SRGAP2B: variants seen among roughly 807,000 people sequenced by gnomAD.
SRGAP2B encodes the protein SLIT-ROBO Rho GTPase-activating protein 2B.
A neutral mutation model predicts 22.2 loss-of-function variants in SRGAP2B; 9 were observed. That is an observed-to-expected ratio of 0.41 (90% confidence interval 0.24 to 0.71). SRGAP2B has a LOEUF of 0.71. Among genes scored for constraint, SRGAP2B ranks in the 30% least tolerant of loss-of-function variants. The pLI is 0.35. For synonymous variants in SRGAP2B, 36 were observed against 87.4 expected (o/e 0.41, Z 3.28); for missense variants, 114 against 235.8 (o/e 0.48, Z 3.38).
chr1:144,963,727 G>A (rs1667849747), intron 3 of SRGAP2B, among the ~76,000 whole-genome samples: 1 of 152,028 alleles, frequency 6.6e-6, no homozygotes, highest in African/African-American at 2.4e-5. Flanking sequence ...ATACCTGTCT[G>A]TGCCAAAGTG....
rs1273854135 is a variant in SRGAP2B at position 145,045,310 on chromosome 1, A to G, written c.67+47525T>C. On this transcript the variant is annotated intron_variant, in intron 2 of 9. Transcript: ENST00000612199. ...AGACTCCGCCTCAAAAAAAAAAAAA[A>G]AAAGAAAGAAAGAAAAGAGAAAGAA... Among the ~76,000 whole-genome samples the G allele has an allele frequency of 2.2e-4, 32 of 143,662 alleles. 1 individual carries two copies. The South Asian group carries it at 3.8e-3, about 17-fold the overall frequency. The allele number at this position is 143,662 out of a possible 152,430, so 94.2% of individuals were successfully genotyped here. A position where few individuals can be genotyped will look rare whatever the true frequency, so the allele number is the denominator to read the frequency against.
chr1:145,044,500 C>T (rs1649520022), intron 2 of SRGAP2B, among the ~76,000 whole-genome samples: 1 of 141,506 alleles, frequency 7.1e-6, no homozygotes, highest in Admixed American at 7.0e-5. Flanking sequence ...GGTATTTATC[C>T]AGTTTTTCCT....
intron 4 of SRGAP2B, among the ~76,000 whole-genome samples, chr1:144,927,069 C>G (rs1418431072): frequency 6.6e-6 from 1 of 150,860 alleles, no homozygotes; most frequent in African/African-American, 2.5e-5. Flanking sequence ...CCTGCCTCAG[C>G]CTCCCAAGTA....
chr1:144,941,734 T>C (rs1421894190), intron 4 of SRGAP2B, among the ~76,000 whole-genome samples: 1 of 149,186 alleles, frequency 6.7e-6, no homozygotes, highest in East Asian at 2.0e-4. Context: ...AAAGGAAAAG[T>C]CTTGACAAAG....
At chr1:144,955,118 T>C (rs1185288095) in intron 4 of SRGAP2B, among the ~76,000 whole-genome samples, 1 of 150,654 alleles carries the variant, frequency 6.6e-6, no homozygotes, top group Non-Finnish European at 1.5e-5. Context: ...CCAAGGCTAC[T>C]ATTAATTCAG....
At chr1:145,030,717 AAAAAAT>A (rs1168358945) in intron 2 of SRGAP2B, among the ~76,000 whole-genome samples, 116 of 55,956 alleles carry the variant, frequency 2.1e-3, no homozygotes, top group Non-Finnish European at 2.5e-3. Context: ...AAAAAAAAAA[AAAAAAT>A]ATATATATAT....
rs1212661396 is a variant in SRGAP2B at position 144,971,024 on chromosome 1, GTGACTAGAA to G, written c.261-15432_261-15424del. 1.7e-3 allele frequency among the ~76,000 whole-genome samples: 259 copies of G among 150,502 alleles called. 20 individuals are homozygous for G. The highest frequency in any genetic ancestry group is 6.3e-3 in the African/African-American group (252 of 40,208). On this transcript the variant is annotated intron_variant, in intron 3 of 9. Transcript: ENST00000612199. ...AATGAATTCATACCCACGAAACAAAGTGACTAGAATCATGTCTGAAAAGACAAATACATC... is the reference window on the plus strand; with the variant it reads ...AATGAATTCATACCCACGAAACAAAGTCATGTCTGAAAAGACAAATACATC...
intron 3 of SRGAP2B, among the ~76,000 whole-genome samples, chr1:144,994,567 T>TGAGAGA (rs56165682): frequency 6.5e-5 from 8 of 122,488 alleles, no homozygotes; most frequent in South Asian, 5.5e-4. Flanking sequence ...TGTGTGTGTG[T>TGAGAGA]GAGAGAGAGA....
At chr1:144,914,288 T>TTTCC in intron 5 of SRGAP2B, among the ~76,000 whole-genome samples, 1 of 151,670 alleles carries the variant, frequency 6.6e-6, no homozygotes, top group South Asian at 2.1e-4. Flanking sequence ...ATCCAAGATC[T>TTTCC]GATGAAAAAC....
At chr1:144,943,963 G>C (rs1359146177) in intron 4 of SRGAP2B, among the ~76,000 whole-genome samples, 2 of 150,392 alleles carry the variant, frequency 1.3e-5, no homozygotes, top group Non-Finnish European at 2.9e-5. Flanking sequence ...AGTTAGAGGG[G>C]CTTGATAAAC....
At chr1:145,090,283 C>T (rs1453813044) in intron 2 of SRGAP2B, among the ~76,000 whole-genome samples, 7 of 148,198 alleles carry the variant, frequency 4.7e-5, no homozygotes, top group African/African-American at 1.0e-4. Context: ...ATAAGCTCCA[C>T]GAGGGTAGAG....
intron 2 of SRGAP2B, among the ~76,000 whole-genome samples, chr1:145,031,840 C>A (rs1176992310): frequency 2.9e-5 from 4 of 135,812 alleles, no homozygotes; most frequent in Admixed American, 2.1e-4. Flanking sequence ...GAGCAAGACT[C>A]CGTCTCAAAA....
intron 3 of SRGAP2B, among the ~76,000 whole-genome samples, chr1:144,975,376 T>C (rs1668819684): frequency 1.3e-5 from 2 of 149,856 alleles, no homozygotes; most frequent in South Asian, 4.2e-4. Flanking sequence ...CAAGTGGTAT[T>C]GAGAGGCTGG....
intron 5 of SRGAP2B, among the ~76,000 whole-genome samples, chr1:144,909,360 G>A (rs1377845850): frequency 6.2e-5 from 9 of 144,294 alleles, no homozygotes; most frequent in Non-Finnish European, 1.2e-4. Flanking sequence ...CCAGGTGGGC[G>A]GATCACGAGG....
chr1:144,943,374 G>T (rs1308501192), intron 4 of SRGAP2B, among the ~76,000 whole-genome samples: 1 of 151,636 alleles, frequency 6.6e-6, no homozygotes, highest in Non-Finnish European at 1.5e-5. Flanking sequence ...AAATGTAAAG[G>T]AGAAGGTCTT....
At chr1:145,038,637 GGA>G (rs2102340407) in intron 2 of SRGAP2B, among the ~76,000 whole-genome samples, 1 of 148,408 alleles carries the variant, frequency 6.7e-6, no homozygotes, top group Non-Finnish European at 1.5e-5. Flanking sequence ...CTTTAGAAAA[GGA>G]GAAACTCATA....
chr1:145,070,197 C>G (rs1276529616), intron 2 of SRGAP2B, among the ~76,000 whole-genome samples: 1 of 145,086 alleles, frequency 6.9e-6, no homozygotes, highest in Non-Finnish European at 1.5e-5. Flanking sequence ...GAAGGACCTC[C>G]AATTTCTCAT....
chr1:144,981,154 G>A (rs1466283486), intron 3 of SRGAP2B, among the ~76,000 whole-genome samples: 1 of 148,860 alleles, frequency 6.7e-6, no homozygotes, highest in Non-Finnish European at 1.5e-5. Flanking sequence ...CACAGCTTTT[G>A]CCTTGAAAAG....
intron 3 of SRGAP2B, among the ~76,000 whole-genome samples, chr1:144,957,847 C>T (rs587684443): frequency 6.8e-6 from 1 of 146,960 alleles, no homozygotes; most frequent in Non-Finnish European, 1.5e-5. Flanking sequence ...TACCCATGTC[C>T]TCAGTAAGCA....
Sources: gnomAD v4.1 joint callset for allele counts (sites outside exome capture counted in the v4.1 genomes callset) on GRCh38, gnomAD v4.1.1 for gene constraint, MANE v1.5 for transcripts, NCBI Gene and HGNC (gene_info 2026-07-23, HGNC 2026-07-21) for gene names.